DYNLT5: variants seen among roughly 807,000 people sequenced by gnomAD.
DYNLT5 encodes dynein light chain Tctex-type family member 5, also known as dynein light chain Tctex-type 5.
DYNLT5 carries 25 observed loss-of-function variants against 19.3 expected under a neutral mutation model. That is an observed-to-expected ratio of 1.30 (90% CI 0.95 to 1.81). DYNLT5 has a LOEUF of 1.81. Among genes scored for constraint, DYNLT5 ranks in the 40% most tolerant of loss-of-function variants. DYNLT5 has a pLI of 0.00. For missense variants in DYNLT5, 232 were observed against 217.9 expected, an observed-to-expected ratio of 1.06 and a Z score of -0.41; for synonymous variants, 82 against 68.9, an observed-to-expected ratio of 1.19 and a Z score of -0.94.
At chr1:66,773,618 C>T (rs1645216542) in intron 3 of DYNLT5, among the ~76,000 whole-genome samples, 5 of 151,994 alleles carry the variant, frequency 3.3e-5, no homozygotes, top group Admixed American at 3.3e-4. Flanking sequence ...CTGTTCTAAA[C>T]ATATTCAATT....
At chr1:66,771,093 AT>A (rs1645202131) in intron 3 of DYNLT5, among the ~76,000 whole-genome samples, 1 of 152,224 alleles carries the variant, frequency 6.6e-6, no homozygotes, top group Non-Finnish European at 1.5e-5. Context: ...CTATATGGAA[AT>A]TCCACAGAGA....
intron 3 of DYNLT5, chr1:66,770,774 G>A (rs1645199056): frequency 2.4e-6 from 1 of 425,434 alleles, no homozygotes. Flanking sequence ...TGGGTACATA[G>A]ATATGACTTA....
At chr1:66,756,579 A>G (rs2150858744) in intron 2 of DYNLT5, among the ~76,000 whole-genome samples, 1 of 152,354 alleles carries the variant, frequency 6.6e-6, no homozygotes, top group South Asian at 2.1e-4. Flanking sequence ...AACATTCTGA[A>G]GTTTATTAAG....
chr1:66,764,338 AAGTGAGAGATGTGGGAC>A, intron 2 of DYNLT5, among the ~76,000 whole-genome samples: 1 of 152,220 alleles, frequency 6.6e-6, no homozygotes, highest in South Asian at 2.1e-4. Flanking sequence ...TTTGATTTAA[AAGTGAGAGATGTGGGAC>A]TCTTCCTTTC....
chr1:66,763,970 A>C (rs2094650218), intron 2 of DYNLT5, among the ~76,000 whole-genome samples: 1 of 152,154 alleles, frequency 6.6e-6, no homozygotes. Flanking sequence ...GGATCACTTG[A>C]GTTCAAGAGT....
chr1:66,774,919 CACAA>C (rs1645225890), intron 3 of DYNLT5: 1 of 152,168 alleles, frequency 6.6e-6, no homozygotes, highest in Non-Finnish European at 1.5e-5. Context: ...ATACAGTCAT[CACAA>C]ACAAACACTT....
chr1:66,770,011 G>A (rs1329553010), intron 2 of DYNLT5, among the ~76,000 whole-genome samples: 4 of 152,098 alleles, frequency 2.6e-5, no homozygotes, highest in African/African-American at 9.7e-5. Flanking sequence ...CCCTGTTTGT[G>A]AGCTTTATCT....
At chr1:66,769,785 A>G (rs189570888) in intron 2 of DYNLT5, among the ~76,000 whole-genome samples, 128 of 152,038 alleles carry the variant, frequency 8.4e-4, no homozygotes, top group Admixed American at 7.7e-3. Context: ...CGAAACCAAA[A>G]CCCTTTTTCG....
At chr1:66,773,779 T>C (rs7515248) in intron 3 of DYNLT5, among the ~76,000 whole-genome samples, 20,045 of 152,060 alleles carry the variant, frequency 0.13, 1,390 homozygotes, top group Middle Eastern at 0.19. Context: ...TTTTTTTGTC[T>C]TGATCCTTCA....
intron 3 of DYNLT5, among the ~76,000 whole-genome samples, chr1:66,772,064 A>G (rs1645207409): frequency 6.6e-6 from 1 of 152,206 alleles, no homozygotes; most frequent in African/African-American, 2.4e-5. Flanking sequence ...ATACTTAATC[A>G]AAACTGTGTT....
chr1:66,765,175 A>G (rs17129435), intron 2 of DYNLT5, among the ~76,000 whole-genome samples: 126 of 152,316 alleles, frequency 8.3e-4, no homozygotes, highest in Non-Finnish European at 1.6e-3. Flanking sequence ...ACTCTGAAAT[A>G]TCACCACTGG....
At chr1:66,764,042 G>A (rs1287627546) in intron 2 of DYNLT5, among the ~76,000 whole-genome samples, 1 of 151,968 alleles carries the variant, frequency 6.6e-6, no homozygotes, top group African/African-American at 2.4e-5. Flanking sequence ...AACAAAATTA[G>A]CCAGGTGTGG....
chr1:66,752,686 C>G (rs1187691545), intron 1 of DYNLT5, 102 bp downstream of exon 1: 4 of 703,634 alleles, frequency 5.7e-6, no homozygotes, highest in Middle Eastern at 7.5e-4. Flanking sequence ...GCCCCGATCT[C>G]TCCGCCACCT....
intron 2 of DYNLT5, among the ~76,000 whole-genome samples, chr1:66,759,579 C>G (rs1459010079): frequency 1.3e-5 from 2 of 152,206 alleles, no homozygotes; most frequent in Admixed American, 1.3e-4. Flanking sequence ...TCAAAGAAGA[C>G]AGCAATTTTC....
intron 1 of DYNLT5, among the ~76,000 whole-genome samples, chr1:66,753,099 A>G (rs2094630057): frequency 6.6e-6 from 1 of 151,918 alleles, no homozygotes; most frequent in African/African-American, 2.4e-5. Flanking sequence ...AGGCACCTGC[A>G]CACACAGAGA....
At chr1:66,760,027 A>G (rs545802831) in intron 2 of DYNLT5, among the ~76,000 whole-genome samples, 5 of 152,238 alleles carry the variant, frequency 3.3e-5, no homozygotes, top group African/African-American at 1.2e-4. Flanking sequence ...CCTTTCCCTC[A>G]GCCATCCATG....
chr1:66,768,677 C>T (rs1345258535), intron 2 of DYNLT5: 1 of 152,020 alleles, frequency 6.6e-6, no homozygotes, highest in Non-Finnish European at 1.5e-5. Flanking sequence ...AGTTTTGTAC[C>T]ACCTCTTCTT....
intron 3 of DYNLT5, chr1:66,770,864 G>A (rs1361651372): frequency 2.9e-5 from 8 of 277,250 alleles, no homozygotes; most frequent in Admixed American, 5.0e-5. Flanking sequence ...AAAACTCAAA[G>A]CAAAGGCAAA....
chr1:66,777,110 C>A, intron 4 of DYNLT5, 141 bp from the exon 5 acceptor site: 3 of 710,260 alleles, frequency 4.2e-6, no homozygotes, highest in Non-Finnish European at 6.6e-6. Flanking sequence ...GGGAATCATA[C>A]TTACGGTTCT....
Sources: gnomAD v4.1 joint callset for allele counts (sites outside exome capture counted in the v4.1 genomes callset) on GRCh38, gnomAD v4.1.1 for gene constraint, MANE v1.5 for transcripts, NCBI Gene and HGNC (gene_info 2026-07-23, HGNC 2026-07-21) for gene names.